MAST4: variants seen among roughly 807,000 people sequenced by gnomAD.
The protein encoded by MAST4 is microtubule associated serine/threonine kinase family member 4.
MAST4 carries 89 observed loss-of-function variants against 162.7 expected under a neutral mutation model. The ratio of observed to expected loss-of-function variants is 0.55; its 90% CI spans 0.46 to 0.65. The LOEUF (loss-of-function observed/expected upper bound fraction) is 0.65. MAST4 is among the 30% of genes least tolerant of loss of function. The pLI is 0.00. For missense variants in MAST4, 3,153 were observed against 3,374.0 expected, an observed-to-expected ratio of 0.93 and a Z score of 1.62; for synonymous variants, 1,479 against 1,361.1, an observed-to-expected ratio of 1.09 and a Z score of -1.91.
intron 5 of MAST4, among the ~76,000 whole-genome samples, chr5:67,081,114 A>T (rs1242447776): frequency 7.1e-6 from 1 of 141,312 alleles, no homozygotes; most frequent in Non-Finnish European, 1.5e-5. Flanking sequence ...TATATTATAT[A>T]TTTTTTTTTA....
chr5:66,736,775 C>G (rs1470174450), intron 1 of MAST4, among the ~76,000 whole-genome samples: 1 of 152,154 alleles, frequency 6.6e-6, no homozygotes, highest in African/African-American at 2.4e-5. Context: ...AGAGATGAAA[C>G]TGGTTTTCAC....
chr5:66,979,049 A>T (rs1428679562), intron 4 of MAST4, among the ~76,000 whole-genome samples: 1 of 152,164 alleles, frequency 6.6e-6, no homozygotes, highest in Non-Finnish European at 1.5e-5. Flanking sequence ...CTGCTGAAGG[A>T]TGGGAGGCTT....
intron 4 of MAST4, among the ~76,000 whole-genome samples, chr5:67,038,295 A>ATTTATTTAT (rs1756291216): frequency 9.8e-6 from 1 of 102,176 alleles, no homozygotes; most frequent in South Asian, 2.8e-4. Flanking sequence ...ACTGATTTTT[A>ATTTATTTAT]TTATTTATTT....
chr5:67,136,470 C>T (rs999710260), intron 18 of MAST4, 93 bp from the exon 19 acceptor site: 5 of 917,086 alleles, frequency 5.5e-6, no homozygotes, highest in Non-Finnish European at 8.7e-6. Flanking sequence ...TGAAATTCTG[C>T]CTTTCTGACA....
At chr5:67,115,363 A>C (rs965905920) in intron 12 of MAST4, among the ~76,000 whole-genome samples, 3 of 152,358 alleles carry the variant, frequency 2.0e-5, no homozygotes, top group South Asian at 4.1e-4. Flanking sequence ...AAATGTTGGC[A>C]CAGAGATTTT....
chr5:66,610,017 G>A (rs563324878), intron 1 of MAST4, among the ~76,000 whole-genome samples: 1 of 152,176 alleles, frequency 6.6e-6, no homozygotes, highest in East Asian at 1.9e-4. Context: ...TGTTGGCAGG[G>A]ATTAGGTTGG....
intron 4 of MAST4, among the ~76,000 whole-genome samples, chr5:67,001,031 T>C (rs1692029754): frequency 1.3e-5 from 2 of 152,206 alleles, no homozygotes; most frequent in Admixed American, 6.5e-5. Flanking sequence ...ATAGGCTTAG[T>C]TGTTACACAA....
chr5:66,694,876 T>C (rs542255582), intron 1 of MAST4, among the ~76,000 whole-genome samples: 6 of 152,298 alleles, frequency 3.9e-5, no homozygotes, highest in African/African-American at 1.4e-4. Context: ...TAATGCCTTT[T>C]TTTTCTTGTA....
At chr5:66,750,548 A>C (rs1222450764) in intron 1 of MAST4, among the ~76,000 whole-genome samples, 2 of 152,172 alleles carry the variant, frequency 1.3e-5, no homozygotes, top group Admixed American at 1.3e-4. Flanking sequence ...CGCACCTTGA[A>C]AATCGGGTCA....
At chr5:67,032,493 CTGCAG>C (rs1371281156) in intron 4 of MAST4, among the ~76,000 whole-genome samples, 2 of 152,130 alleles carry the variant, frequency 1.3e-5, no homozygotes, top group Admixed American at 6.6e-5. Context: ...ACATGCTTGT[CTGCAG>C]TGCCTAGTAG....
At chr5:66,917,695 T>C (rs938785915) in intron 4 of MAST4, among the ~76,000 whole-genome samples, 1 of 151,828 alleles carries the variant, frequency 6.6e-6, no homozygotes, top group Admixed American at 6.6e-5. Context: ...TTGTCACATA[T>C]AAAGATGCCA....
chr5:66,716,695 T>A (rs951943832), intron 1 of MAST4, among the ~76,000 whole-genome samples: 1 of 152,058 alleles, frequency 6.6e-6, no homozygotes, highest in South Asian at 2.1e-4. Flanking sequence ...AGAAGATATA[T>A]GGATTTTAAA....
chr5:66,671,775 A>G (rs1747626363), intron 1 of MAST4, among the ~76,000 whole-genome samples: 1 of 152,220 alleles, frequency 6.6e-6, no homozygotes, highest in African/African-American at 2.4e-5. Flanking sequence ...ATCTTACACA[A>G]AGTCCAAGTT....
intron 1 of MAST4, among the ~76,000 whole-genome samples, chr5:66,746,953 CTTTA>C (rs947115375): frequency 6.6e-6 from 1 of 151,442 alleles, no homozygotes; most frequent in Non-Finnish European, 1.5e-5. Flanking sequence ...ATGATACTAG[CTTTA>C]TTTTTTTTTT....
chr5:66,994,151 G>T (rs575571055), intron 4 of MAST4, among the ~76,000 whole-genome samples: 3 of 151,294 alleles, frequency 2.0e-5, no homozygotes, highest in African/African-American at 4.9e-5. Context: ...GAACGGTACC[G>T]CATTAATCTA....
intron 4 of MAST4, among the ~76,000 whole-genome samples, chr5:66,997,556 C>T (rs1227360017): frequency 2.0e-5 from 3 of 151,822 alleles, no homozygotes; most frequent in Non-Finnish European, 4.4e-5. Flanking sequence ...CTCAGCCTCC[C>T]AACTAGCTGG....
intron 3 of MAST4, among the ~76,000 whole-genome samples, chr5:66,896,269 T>C (rs939870091): frequency 3.3e-5 from 5 of 152,178 alleles, no homozygotes; most frequent in Non-Finnish European, 5.9e-5. Flanking sequence ...TTCTGGATTT[T>C]AGAGATAATA....
chr5:67,153,385 C>G (rs950702947), intron 25 of MAST4, 73 bp from the exon 26 acceptor site: 14 of 1,458,328 alleles, frequency 9.6e-6, no homozygotes, highest in Middle Eastern at 1.8e-4. Flanking sequence ...ACTCATTATT[C>G]TCCCAGAAGA....
At position 66,759,789 on chromosome 5, in the gene MAST4, A is replaced by G; in HGVS notation, c.444A>G (p.Ser148=). The G allele has an allele frequency of 6.2e-7, 1 of 1,613,958 alleles. No individual in the cohort carries two copies. Among genetic ancestry groups the G allele is most frequent in the Non-Finnish European group, 8.5e-7 (1 of 1,179,880 alleles). The stretch of plus-strand genomic sequence containing the variant: ...ATGTGGCTTCTGGCCCTGGAAAATC[A>G]CTGAAGTATAAAAGACAGCTGAGTG... ...NPDVASGPGK[S]LKYKRQLSED... is the part of the protein sequence containing the mutation. The change falls in exon 2 of 29, where the codon TCA becomes TCG. Residue 148 remains serine, a synonymous_variant. Transcript: ENST00000403625.
Sources: gnomAD v4.1 joint callset for allele counts (sites outside exome capture counted in the v4.1 genomes callset) on GRCh38, gnomAD v4.1.1 for gene constraint, MANE v1.5 for transcripts, NCBI Gene and HGNC (gene_info 2026-07-23, HGNC 2026-07-21) for gene names.